The following PKIA variants were observed in gnomAD, a reference collection of about 807,000 sequenced individuals.
PKIA encodes PKI-alpha.
In PKIA, 4 loss-of-function variants were observed where a neutral mutation model predicts 7.6. That is an observed-to-expected ratio of 0.52 (90% CI 0.26 to 1.20). The LOEUF is 1.20. Ranked by LOEUF, PKIA falls within the 50% of genes most tolerant of loss-of-function variation. PKIA has a pLI of 0.13. For missense variants in PKIA, 73 were observed against 86.2 expected (o/e 0.85, Z 0.61); for synonymous variants, 21 against 30.7 (o/e 0.68, Z 1.04).
At chr8:78,545,005 G>T (rs1284904900) in intron 1 of PKIA, among the ~76,000 whole-genome samples, 4 of 151,516 alleles carry the variant, frequency 2.6e-5, no homozygotes, top group African/African-American at 9.7e-5. Context: ...TCTCCCAAAC[G>T]GTAATATATG....
Position 78,604,740 on chromosome 8 carries a change from T to G in PKIA, c.*2919T>G, listed in dbSNP as rs923118489. 5.3e-5 allele frequency: 8 copies of G among 152,040 alleles called. No homozygotes were observed. Among genetic ancestry groups the G allele is most frequent in the African/African-American group, 1.9e-4 (8 of 41,440 alleles). 9.4% of individuals were successfully genotyped at this position (152,040 alleles called of 1,614,324 possible). A position where few individuals can be genotyped will look rare whatever the true frequency, so the allele number is the denominator to read the frequency against. On this transcript the variant is annotated 3_prime_UTR_variant, in exon 4 of 4. Transcript: ENST00000396418. ...TAATTACCAACAAACATGGGGACTT[T>G]GGCTTTTTGACTTATTTGCAACAAG...
At chr8:78,540,542 A>G (rs367752075) in intron 1 of PKIA, among the ~76,000 whole-genome samples, 2 of 152,104 alleles carry the variant, frequency 1.3e-5, no homozygotes, top group East Asian at 1.9e-4. Flanking sequence ...TAAAAGGATT[A>G]AAATTATATT....
Position 78,516,461 on chromosome 8 carries a change from C to T in PKIA, c.-164C>T, listed in dbSNP as rs530932553. 1 of 152,410 alleles carries T rather than the reference C, an allele frequency of 6.6e-6. No homozygotes were observed. The highest frequency in any genetic ancestry group is 6.5e-5 in the Admixed American group (1 of 15,302). 9.4% of individuals were successfully genotyped at this position (152,410 alleles called of 1,614,324 possible). ...CGCGGGGACCTGCGCTGACTAGGTC[C>T]GGGGAAGGTAAGCAGCCCGGCACCG... On this transcript the variant is annotated 5_prime_UTR_variant, in exon 1 of 4. Coordinates refer to ENST00000396418, the MANE Select transcript of PKIA (RefSeq NM_006823.4).
At chr8:78,571,738 A>G (rs1209920797) in intron 1 of PKIA, among the ~76,000 whole-genome samples, 3 of 152,030 alleles carry the variant, frequency 2.0e-5, no homozygotes, top group Non-Finnish European at 4.4e-5. Context: ...TTTGAATTCA[A>G]ATTCTTCTCT....
intron 1 of PKIA, among the ~76,000 whole-genome samples, chr8:78,550,366 T>C (rs1806953029): frequency 6.6e-6 from 1 of 152,110 alleles, no homozygotes; most frequent in African/African-American, 2.4e-5. Context: ...AGAAAGACAT[T>C]CTTGGGTTGT....
At chr8:78,568,540 A>G (rs771679406) in intron 1 of PKIA, among the ~76,000 whole-genome samples, 1 of 152,192 alleles carries the variant, frequency 6.6e-6, no homozygotes, top group Non-Finnish European at 1.5e-5. Flanking sequence ...TGAATACAAT[A>G]AATAAGCATA....
At chr8:78,557,335 G>A (rs1807164190) in intron 1 of PKIA, among the ~76,000 whole-genome samples, 1 of 152,098 alleles carries the variant, frequency 6.6e-6, no homozygotes, top group Non-Finnish European at 1.5e-5. Context: ...CACTCAATTT[G>A]TGCCCATGGA....
intron 2 of PKIA, among the ~76,000 whole-genome samples, chr8:78,592,190 A>T: frequency 6.6e-6 from 1 of 152,260 alleles, no homozygotes; most frequent in East Asian, 1.9e-4. Flanking sequence ...ATTCACTAAA[A>T]GCACTATAAT....
intron 1 of PKIA, among the ~76,000 whole-genome samples, chr8:78,557,611 CT>C: frequency 6.6e-6 from 1 of 152,186 alleles, no homozygotes; most frequent in South Asian, 2.1e-4. Flanking sequence ...CTGTCAGCTG[CT>C]AGGGGAGTTT....
At chr8:78,539,884 A>G (rs1345849531) in intron 1 of PKIA, among the ~76,000 whole-genome samples, 1 of 152,048 alleles carries the variant, frequency 6.6e-6, no homozygotes, top group East Asian at 1.9e-4. Flanking sequence ...ATATATAAAC[A>G]TACACCTACA....
intron 1 of PKIA, among the ~76,000 whole-genome samples, chr8:78,547,032 C>CAGTT (rs1806840449): frequency 6.6e-6 from 1 of 151,880 alleles, no homozygotes; most frequent in Non-Finnish European, 1.5e-5. Context: ...GTTAGTCATA[C>CAGTT]AGTTAATCAT....
chr8:78,521,449 A>C (rs1178874049), intron 1 of PKIA, among the ~76,000 whole-genome samples: 1 of 152,076 alleles, frequency 6.6e-6, no homozygotes, highest in African/African-American at 2.4e-5. Context: ...GGTACTAGCA[A>C]GCACGGTTCC....
intron 1 of PKIA, among the ~76,000 whole-genome samples, chr8:78,521,062 C>T (rs1014363520): frequency 2.0e-5 from 3 of 152,132 alleles, no homozygotes; most frequent in East Asian, 1.9e-4. Flanking sequence ...AAGGGAGCTC[C>T]GAACGTTACA....
intron 2 of PKIA, among the ~76,000 whole-genome samples, chr8:78,589,101 G>A (rs944600842): frequency 2.0e-5 from 3 of 152,076 alleles, no homozygotes; most frequent in African/African-American, 7.2e-5. Flanking sequence ...CACCAGTCAG[G>A]TATTAATAAT....
At chr8:78,566,160 G>A (rs1005037068) in intron 1 of PKIA, among the ~76,000 whole-genome samples, 1 of 151,708 alleles carries the variant, frequency 6.6e-6, no homozygotes, top group Non-Finnish European at 1.5e-5. Context: ...TATTGAGTAA[G>A]TTATAGTAAT....
chr8:78,538,953 T>C (rs1806605005), intron 1 of PKIA, among the ~76,000 whole-genome samples: 1 of 152,040 alleles, frequency 6.6e-6, no homozygotes, highest in Non-Finnish European at 1.5e-5. Context: ...GAGTGAATTA[T>C]GCATGCTATG....
At chr8:78,523,926 A>G (rs996813853) in intron 1 of PKIA, among the ~76,000 whole-genome samples, 2 of 141,124 alleles carry the variant, frequency 1.4e-5, no homozygotes, top group South Asian at 2.1e-4. Flanking sequence ...ATTTATATAT[A>G]TATAAATATA....
intron 1 of PKIA, among the ~76,000 whole-genome samples, chr8:78,533,692 C>T: frequency 6.6e-6 from 1 of 151,952 alleles, no homozygotes; most frequent in East Asian, 1.9e-4. Context: ...CCCATCTCTA[C>T]AAAAAGCACT....
chr8:78,590,817 C>T (rs1808076536), intron 2 of PKIA, among the ~76,000 whole-genome samples: 1 of 151,974 alleles, frequency 6.6e-6, no homozygotes, highest in Non-Finnish European at 1.5e-5. Flanking sequence ...AGAATGAAAG[C>T]TAAGTGGGGT....
Sources: allele counts gnomAD v4.1 joint callset (sites outside exome capture counted in the v4.1 genomes callset), GRCh38; gene constraint gnomAD v4.1.1; transcripts MANE v1.5; gene names NCBI Gene and HGNC (gene_info 2026-07-23, HGNC 2026-07-21).